The following HMGXB3 variants were observed in gnomAD, a reference collection of about 807,000 sequenced individuals.
HMGXB3 encodes HMG domain-containing protein 3.
A neutral mutation model predicts 121.5 loss-of-function variants in HMGXB3; 45 were observed. The observed-to-expected ratio is 0.37, with a 90% CI of 0.29 to 0.47. HMGXB3 has a LOEUF of 0.47. Ranked by LOEUF, HMGXB3 falls within the 20% of genes least tolerant of loss-of-function variation. The pLI is 0.99. For missense variants in HMGXB3, 1,376 were observed against 1,602.2 expected, an observed-to-expected ratio of 0.86 and a Z score of 2.41; for synonymous variants, 590 against 624.1, an observed-to-expected ratio of 0.95 and a Z score of 0.81.
In HMGXB3 at chr5:150,036,780, T is replaced by C. The variant is rs919411538; in HGVS notation, c.2128T>C (p.Phe710Leu). 5.8e-6 allele frequency: 9 copies of C among 1,551,630 alleles called. No homozygotes were observed. The highest frequency in any genetic ancestry group is 4.1e-5 in the African/African-American group (3 of 73,062). The change falls in exon 12 of 20, where the codon TTC (phenylalanine) becomes CTC (leucine). Residue 710 changes from phenylalanine to leucine, a missense_variant. This residue lies in a region of HMGXB3 where 1,116 missense variants were observed against 1,369.0 expected (regional missense o/e 0.82). Coordinates refer to ENST00000502717, the MANE Select transcript of HMGXB3 (RefSeq NM_014983.3). ...GAATGAGTCAGAGCTGGCTGAGGTC[T>C]TCGCCTTGATTCATGAACTCAACAG... ...PENESELAEVFALIHELNSSR... is the reference protein window; with the variant it reads ...PENESELAEVLALIHELNSSR...
intron 6 of HMGXB3, among the ~76,000 whole-genome samples, chr5:150,020,365 G>A (rs1364918194): frequency 6.6e-6 from 1 of 152,234 alleles, no homozygotes; most frequent in Admixed American, 6.5e-5. Context: ...TCTAACTGCA[G>A]TGGGGAGATT....
chr5:150,005,831 C>T (rs17110786), intron 2 of HMGXB3, among the ~76,000 whole-genome samples: 25,184 of 152,052 alleles, frequency 0.17, 2,578 homozygotes, highest in Admixed American at 0.27. Context: ...CGTAGAGGAG[C>T]ACGGAGTGTG....
chr5:150,026,971 G>A (rs764167837), intron 8 of HMGXB3, 49 bp from the exon 9 acceptor site: 1 of 1,540,658 alleles, frequency 6.5e-7, no homozygotes, highest in Non-Finnish European at 8.8e-7. Context: ...GAGACTTGGG[G>A]AGACTCTGAA....
chr5:150,022,736 A>G (rs1402689309), intron 6 of HMGXB3, among the ~76,000 whole-genome samples: 3 of 151,562 alleles, frequency 2.0e-5, no homozygotes, highest in Non-Finnish European at 2.9e-5. Context: ...CTCCATGTTA[A>G]CTCACTCTTA....
In HMGXB3 at chr5:150,052,234, A is replaced by C; in HGVS notation, c.*42A>C. ...GGGACTACACCATCTCTCAAGCCAT[A>C]GTAAGGCCCTTGCCTGAGGCAGAGC... On this transcript the variant is annotated 3_prime_UTR_variant, in exon 20 of 20. Transcript: ENST00000502717. 2 of 1,447,166 alleles carry C rather than the reference A, an allele frequency of 1.4e-6. No homozygotes were observed. Among genetic ancestry groups the C allele is most frequent in the Non-Finnish European group, 1.9e-6 (2 of 1,073,842 alleles). The allele number at this position is 1,447,166 out of a possible 1,614,324, so 89.6% of individuals were successfully genotyped here.
chr5:150,044,991 G>A (rs1282457103), intron 15 of HMGXB3, among the ~76,000 whole-genome samples: 2 of 152,208 alleles, frequency 1.3e-5, no homozygotes, highest in Non-Finnish European at 2.9e-5. Context: ...TTACTCAATA[G>A]GATTCTGCTC....
chr5:150,005,345 A>G (rs1198197558), intron 2 of HMGXB3, among the ~76,000 whole-genome samples: 2 of 152,204 alleles, frequency 1.3e-5, no homozygotes, highest in Non-Finnish European at 2.9e-5. Flanking sequence ...CATGCCTGTA[A>G]TCCCAGCAGT....
chr5:150,025,246 A>G (rs951706825), intron 7 of HMGXB3, among the ~76,000 whole-genome samples: 1 of 152,236 alleles, frequency 6.6e-6, no homozygotes, highest in Non-Finnish European at 1.5e-5. Flanking sequence ...GGAGGAAGTC[A>G]CTATCTTTTT....
chr5:150,024,758 C>A, intron 7 of HMGXB3, 78 bp downstream of exon 7: 1 of 1,209,564 alleles, frequency 8.3e-7, no homozygotes. Context: ...TACAGCATGC[C>A]TGAGAGAGGC....
intron 1 of HMGXB3, among the ~76,000 whole-genome samples, chr5:150,003,895 A>ATC (rs1318766418): frequency 6.6e-6 from 1 of 152,206 alleles, no homozygotes; most frequent in Admixed American, 6.5e-5. Context: ...TCAAGACTGT[A>ATC]GTGAGCCCAG....
intron 16 of HMGXB3, among the ~76,000 whole-genome samples, chr5:150,046,845 T>C (rs947449861): frequency 2.0e-5 from 3 of 151,260 alleles, no homozygotes; most frequent in Non-Finnish European, 2.9e-5. Flanking sequence ...AAAAAGATAC[T>C]GAGGTCCACC....
intron 9 of HMGXB3, among the ~76,000 whole-genome samples, chr5:150,029,103 T>TC (rs1207307248): frequency 6.6e-6 from 1 of 152,208 alleles, no homozygotes; most frequent in African/African-American, 2.4e-5. Flanking sequence ...AGAATGACCA[T>TC]CCGATGTGCT....
intron 5 of HMGXB3, chr5:150,014,666 T>G (rs960104056): frequency 5.4e-6 from 1 of 185,476 alleles, no homozygotes; most frequent in African/African-American, 2.4e-5. Context: ...GGCATCAATC[T>G]CAAACAGGGT....
chr5:150,014,672 A>AGGGT (rs1755921570), intron 5 of HMGXB3: 1 of 189,070 alleles, frequency 5.3e-6, no homozygotes, highest in Admixed American at 6.3e-5. Context: ...AATCTCAAAC[A>AGGGT]GGGTATGAGA....
chr5:150,036,548 G>A, intron 11 of HMGXB3, 88 bp from the exon 12 acceptor site: 2 of 1,256,986 alleles, frequency 1.6e-6, no homozygotes, highest in Non-Finnish European at 2.2e-6. Flanking sequence ...GGCCCCATCT[G>A]TCTGCTGCTC....
At chr5:150,025,197 G>A (rs1756199064) in intron 7 of HMGXB3, among the ~76,000 whole-genome samples, 1 of 152,210 alleles carries the variant, frequency 6.6e-6, no homozygotes, top group Non-Finnish European at 1.5e-5. Flanking sequence ...ACAAACTGAA[G>A]ATTGTATATA....
intron 5 of HMGXB3, among the ~76,000 whole-genome samples, chr5:150,012,715 TA>T (rs1697714078): frequency 6.6e-6 from 1 of 152,192 alleles, no homozygotes; most frequent in South Asian, 2.1e-4. Flanking sequence ...TCGTACAGAT[TA>T]GGAAAAGGGC....
chr5:150,050,159 C>T, intron 18 of HMGXB3, 93 bp from the exon 19 acceptor site: 2 of 1,115,450 alleles, frequency 1.8e-6, no homozygotes, highest in Non-Finnish European at 2.6e-6. Context: ...AAGCTGATTG[C>T]TCATCTTCCT....
chr5:150,014,663 A>G (rs745793246), intron 5 of HMGXB3: 6 of 184,656 alleles, frequency 3.2e-5, no homozygotes, highest in African/African-American at 4.8e-5. Context: ...TGAGGCATCA[A>G]TCTCAAACAG....
Sources: allele counts gnomAD v4.1 joint callset (sites outside exome capture counted in the v4.1 genomes callset), GRCh38; gene constraint gnomAD v4.1.1; regional missense constraint gnomAD v4.1.1; transcripts MANE v1.5; gene names NCBI Gene and HGNC (gene_info 2026-07-23, HGNC 2026-07-21).